ANKK1: variants seen among roughly 807,000 people sequenced by gnomAD.
ANKK1 encodes the protein ankyrin repeat and kinase domain containing 1.
Under a neutral mutation model 37.6 loss-of-function variants are expected in ANKK1, and 37 were observed. The observed-to-expected ratio is 0.98, with a 90% confidence interval of 0.76 to 1.29. The LOEUF (loss-of-function observed/expected upper bound fraction) is 1.29. Among genes scored for constraint, ANKK1 ranks in the 50% most tolerant of loss-of-function variants. ANKK1 has a pLI of 0.00. For missense variants in ANKK1, 1,019 were observed against 990.6 expected, an observed-to-expected ratio of 1.03 and a Z score of -0.39; for synonymous variants, 415 against 418.7, an observed-to-expected ratio of 0.99 and a Z score of 0.11.
chr11:113,392,954 G>A (rs1374191975), intron 1 of ANKK1, among the ~76,000 whole-genome samples: 1 of 152,172 alleles, frequency 6.6e-6, no homozygotes, highest in Non-Finnish European at 1.5e-5. Flanking sequence ...AAGGTGGATA[G>A]TAAAAGGATA....
rs1950645941 is a variant in ANKK1, at chr11:113,397,221, C to T, written c.839-3C>T. On this transcript the variant is annotated splice_region_variant and splice_polypyrimidine_tract_variant and intron_variant, in intron 5 of 7. Transcript: ENST00000303941. ...TCCTGTCTTTCTCCCACTCATGGAG[C>T]AGACATTACCATCGAGACAGACATA... 1 of 1,604,744 alleles carries T rather than the reference C, an allele frequency of 6.2e-7. No homozygotes were observed. The highest frequency in any genetic ancestry group is 8.5e-7 in the Non-Finnish European group (1 of 1,178,490).
chr11:113,389,693 T>A (rs894582529), intron 1 of ANKK1, among the ~76,000 whole-genome samples: 3 of 152,094 alleles, frequency 2.0e-5, no homozygotes, highest in African/African-American at 7.2e-5. Context: ...GAGTATAAGT[T>A]AAGTAGGTGA....
At chr11:113,391,894 A>G (rs1217140417) in intron 1 of ANKK1, among the ~76,000 whole-genome samples, 2 of 152,148 alleles carry the variant, frequency 1.3e-5, no homozygotes, top group Non-Finnish European at 2.9e-5. Context: ...AAGCAGGAGA[A>G]TGTTGACACG....
chr11:113,398,948 A>C lies in ANKK1; in HGVS notation c.995-16A>C, dbSNP rs769090343. ...GTCACAGGTCTTTTTTTTCAACCCC[A>C]TCTTTCTCCCAGCAGACTCAGGAAA... On this transcript the variant is annotated splice_polypyrimidine_tract_variant and intron_variant, in intron 7 of 7. Coordinates refer to ENST00000303941, the MANE Select transcript of ANKK1 (RefSeq NM_178510.2). The C allele has an allele frequency of 2.6e-6, 4 of 1,550,188 alleles. No homozygotes were observed. Among genetic ancestry groups the C allele is most frequent in the Middle Eastern group, 1.7e-4 (1 of 5,780 alleles).
intron 2 of ANKK1, among the ~76,000 whole-genome samples, chr11:113,394,570 T>C (rs10891546): frequency 0.58 from 88,187 of 152,112 alleles, 26,566 homozygotes; most frequent in Non-Finnish European, 0.67. Context: ...ATGAATAGCT[T>C]ACCGAAGGTG....
chr11:113,397,176 G>T, intron 5 of ANKK1, 48 bp from the exon 6 acceptor site: 1 of 1,509,950 alleles, frequency 6.6e-7, no homozygotes, highest in Admixed American at 1.7e-5. Context: ...GGGTACTGTG[G>T]GCCAGCCCGT....
chr11:113,393,193 A>G (rs941557513), intron 1 of ANKK1, among the ~76,000 whole-genome samples: 2 of 152,230 alleles, frequency 1.3e-5, no homozygotes, highest in African/African-American at 4.8e-5. Flanking sequence ...AGCAACTAGA[A>G]TAAAGGGCAA....
rs545659245 is a variant in ANKK1 at position 113,390,730 on chromosome 11, G to A, written c.185+2661G>A. On this transcript the variant is annotated intron_variant, in intron 1 of 7. Transcript: ENST00000303941. The stretch of plus-strand genomic sequence containing the variant: ...AGCCTGGGCAACAAAAGTGAGACTT[G>A]GTCTCAAAAAAAAAAAAAAACAAAG... Among the ~76,000 whole-genome samples, 4 of 141,616 alleles carry A rather than the reference G, an allele frequency of 2.8e-5. No individual in the cohort carries two copies. In the East Asian group the frequency reaches 9.2e-4, roughly 33 times the overall value. 92.9% of individuals were successfully genotyped at this position (141,616 alleles called of 152,430 possible). A position where few individuals can be genotyped will look rare whatever the true frequency, so the allele number is the denominator to read the frequency against.
At chr11:113,393,427 GC>G (rs1196912480) in intron 1 of ANKK1, 53 bp from the exon 2 acceptor site, 1 of 1,540,792 alleles carries the variant, frequency 6.5e-7, no homozygotes, top group Non-Finnish European at 8.8e-7. Context: ...TCAGCTGGTT[GC>G]TGTAGTAATG....
Position 113,399,902 on chromosome 11 carries a change from C to T in ANKK1, c.1933C>T (p.Leu645=). ...RHGEEAVVSA[L]LQCGADPNAA... The stretch of plus-strand genomic sequence containing the variant: ...CGGGGAGGAGGCGGTGGTGTCAGCA[C>T]TGCTGCAGTGTGGGGCTGACCCCAA... Residue 645 remains leucine, a synonymous_variant, in exon 8 of 8, where the codon CTG becomes TTG. Coordinates refer to ENST00000303941, the MANE Select transcript of ANKK1 (RefSeq NM_178510.2). The T allele has an allele frequency of 6.2e-7, 1 of 1,613,512 alleles. No individual in the cohort carries two copies.
chr11:113,391,222 C>T (rs911266760), intron 1 of ANKK1, among the ~76,000 whole-genome samples: 3 of 152,112 alleles, frequency 2.0e-5, no homozygotes, highest in African/African-American at 7.2e-5. Flanking sequence ...GTGGGAAGCC[C>T]GTGTGCCAGG....
intron 7 of ANKK1, 49 bp downstream of exon 7, chr11:113,398,065 A>G (rs1161852404): frequency 1.4e-5 from 21 of 1,551,960 alleles, no homozygotes; most frequent in Non-Finnish European, 1.8e-5. Context: ...AGCAGAGAAA[A>G]TGGAGTCAAA....
At chr11:113,393,353 A>C in intron 1 of ANKK1, 128 bp from the exon 2 acceptor site, 2 of 964,746 alleles carry the variant, frequency 2.1e-6, no homozygotes, top group South Asian at 3.3e-5. Flanking sequence ...CTCTTCCACT[A>C]CCTTGCAAGC....
Position 113,399,443 on chromosome 11 carries a change from G to T in ANKK1, c.1474G>T (p.Ala492Ser). ...TCAGGCTGACCCCAACCTGCATGAG[G>T]CTGAGGGCAAGACCCCCCTCCATGT... The part of the protein sequence containing the change: ...SRQADPNLHE[A>S]EGKTPLHVAA... Residue 492 changes from alanine (A) to serine (S), a missense_variant, in exon 8 of 8, where the codon GCT becomes TCT. Coordinates refer to ENST00000303941, the MANE Select transcript of ANKK1 (RefSeq NM_178510.2). 1 of 1,596,316 alleles carries T rather than the reference G, an allele frequency of 6.3e-7. No individual in the cohort carries two copies. The highest frequency in any genetic ancestry group is 8.5e-7 in the Non-Finnish European group (1 of 1,171,666).
Position 113,399,997 on chromosome 11 carries a change from CA to C in ANKK1, c.2030del (p.Asn677ThrfsTer3). 6.2e-7 allele frequency: 1 copy of C among 1,613,528 alleles called. No individual in the cohort carries two copies. The highest frequency in any genetic ancestry group is 1.1e-5 in the South Asian group (1 of 91,072). On this transcript the variant is annotated frameshift_variant, in exon 8 of 8. Transcript: ENST00000303941. LOFTEE classifies it low-confidence loss of function (END_TRUNC). ...VQRSTFLSVI[N>X]LLEHHANVHA... ...AGAGGAGCACCTTCCTGAGTGTCAT[CA>C]ACCTCCTAGAACATCACGCAAATGT...
intron 7 of ANKK1, 118 bp downstream of exon 7, chr11:113,398,134 AG>A: frequency 8.1e-7 from 1 of 1,227,252 alleles, no homozygotes. Context: ...TCACACATCC[AG>A]GGTTTAGGTG....
intron 7 of ANKK1, 79 bp from the exon 8 acceptor site, chr11:113,398,885 C>T: frequency 7.6e-7 from 1 of 1,318,994 alleles, no homozygotes. Flanking sequence ...ATGGTACTTC[C>T]AGGAGGCAGG....
At position 113,399,351 on chromosome 11, in the gene ANKK1, G is replaced by A. The variant is rs1475552666; in HGVS notation, c.1382G>A (p.Gly461Glu). The change falls in exon 8 of 8, where the codon GGG becomes GAG. Residue 461 changes from glycine to glutamate, a missense_variant. Physicochemically the swap from Gly to Glu is moderately conservative, Grantham distance 98. Transcript: ENST00000303941. ...GACVDAQERE[G>E]WTPLHLAAQN... is the part of the protein sequence containing the mutation. ...TGTGTGGATGCCCAGGAACGTGAAGGGTGGACCCCTCTTCACCTGGCTGCA... is the reference window on the plus strand; with the variant it reads ...TGTGTGGATGCCCAGGAACGTGAAGAGTGGACCCCTCTTCACCTGGCTGCA... 1.9e-6 allele frequency: 3 copies of A among 1,600,854 alleles called. No individual in the cohort carries two copies. Among genetic ancestry groups the A allele is most frequent in the Non-Finnish European group, 8.5e-7 (1 of 1,174,104 alleles).
In ANKK1 at chr11:113,396,234, G is replaced by A. The variant is rs751893680; in HGVS notation, c.838+12G>A. On this transcript the variant is annotated intron_variant, in intron 5 of 7. Transcript: ENST00000303941. ...GCCATGCTTTCTAGGTGCTTATCCA[G>A]TGCCCCCTACCCAGGGACTGGGAGC... 6.2e-7 allele frequency: 1 copy of A among 1,613,116 alleles called. No homozygotes were observed. Among genetic ancestry groups the A allele is most frequent in the Non-Finnish European group, 8.5e-7 (1 of 1,179,340 alleles).
Sources: allele counts gnomAD v4.1 joint callset (sites outside exome capture counted in the v4.1 genomes callset), GRCh38; gene constraint gnomAD v4.1.1; transcripts MANE v1.5; gene names NCBI Gene and HGNC (gene_info 2026-07-23, HGNC 2026-07-21).